Variants in AKT3 observed in about 807,000 individuals in gnomAD.
AKT3 encodes RAC-gamma serine/threonine-protein kinase.
In AKT3, 15 loss-of-function variants were observed where a neutral mutation model predicts 65.3. The observed-to-expected ratio is 0.23, with a 90% CI of 0.15 to 0.35. The LOEUF (loss-of-function observed/expected upper bound fraction) is 0.35. AKT3 is among the 10% of genes least tolerant of loss of function. AKT3 has a pLI of 1.00. For synonymous variants in AKT3, 206 were observed against 183.8 expected, an observed-to-expected ratio of 1.12 and a Z score of -0.98; for missense variants, 243 against 576.5, an observed-to-expected ratio of 0.42 and a Z score of 5.92.
At chr1:243,528,960 ATC>A (rs757665091) in intron 12 of AKT3, among the ~76,000 whole-genome samples, 65 of 152,206 alleles carry the variant, frequency 4.3e-4, no homozygotes, top group Non-Finnish European at 7.4e-4. Flanking sequence ...TCTTGCTAGC[ATC>A]TGTTATTTTT....
chr1:243,579,987 A>C (rs1675213002), intron 8 of AKT3, among the ~76,000 whole-genome samples: 2 of 152,218 alleles, frequency 1.3e-5, no homozygotes, highest in South Asian at 2.1e-4. Flanking sequence ...ATCTAGTCTC[A>C]AGATGAAGAA....
At chr1:243,605,984 G>GCTTA (rs1244225295) in intron 8 of AKT3, among the ~76,000 whole-genome samples, 3 of 152,140 alleles carry the variant, frequency 2.0e-5, no homozygotes, top group Non-Finnish European at 4.4e-5. Flanking sequence ...TTCCTCCTTT[G>GCTTA]CTTAGCACTT....
At chr1:243,800,579 G>A (rs1391589431) in intron 2 of AKT3, among the ~76,000 whole-genome samples, 1 of 152,136 alleles carries the variant, frequency 6.6e-6, no homozygotes, top group Non-Finnish European at 1.5e-5. Flanking sequence ...TTAGCTGGGT[G>A]TGGTGGCGCA....
chr1:243,760,144 G>A (rs1231644131), intron 2 of AKT3, among the ~76,000 whole-genome samples: 3 of 152,150 alleles, frequency 2.0e-5, no homozygotes, highest in African/African-American at 7.2e-5. Flanking sequence ...TTTAGAGACA[G>A]GGTCTCACTC....
chr1:243,578,476 T>C (rs1023362139), intron 8 of AKT3, among the ~76,000 whole-genome samples: 5 of 152,102 alleles, frequency 3.3e-5, no homozygotes, highest in Non-Finnish European at 7.3e-5. Context: ...AAGTGGGAGC[T>C]GAACAATGAG....
At chr1:243,729,949 T>C (rs938224878) in intron 2 of AKT3, among the ~76,000 whole-genome samples, 6 of 152,188 alleles carry the variant, frequency 3.9e-5, no homozygotes, top group African/African-American at 1.4e-4. Context: ...ATTTGTGTAT[T>C]TCAGAAATAA....
intron 2 of AKT3, among the ~76,000 whole-genome samples, chr1:243,814,951 C>G (rs929364391): frequency 1.3e-5 from 2 of 152,142 alleles, no homozygotes; most frequent in African/African-American, 4.8e-5. Flanking sequence ...CACTTTGGAT[C>G]TTTCTAAGAT....
At chr1:243,769,155 T>C (rs878873498) in intron 2 of AKT3, among the ~76,000 whole-genome samples, 1 of 152,188 alleles carries the variant, frequency 6.6e-6, no homozygotes, top group African/African-American at 2.4e-5. Context: ...GGTTATTTCA[T>C]TTCTTTTCTG....
chr1:243,628,628 T>A (rs1350712732), intron 6 of AKT3, among the ~76,000 whole-genome samples: 2 of 152,158 alleles, frequency 1.3e-5, no homozygotes. Flanking sequence ...CAGATCAACT[T>A]TGGAACCATC....
chr1:243,825,724 G>A (rs1055282981), intron 2 of AKT3, among the ~76,000 whole-genome samples: 30 of 152,196 alleles, frequency 2.0e-4, no homozygotes, highest in South Asian at 6.2e-4. Flanking sequence ...TCAGATTACC[G>A]GCTACAAACA....
intron 12 of AKT3, among the ~76,000 whole-genome samples, chr1:243,526,801 A>AAAAAAAAAAAAAAAAAAAAAT: frequency 6.7e-6 from 1 of 148,414 alleles, no homozygotes; most frequent in Non-Finnish European, 1.5e-5. Flanking sequence ...AAAAAAAAAA[A>AAAAAAAAAAAAAAAAAAAAAT]AAAAAAAAAA....
At chr1:243,660,693 G>C (rs1682238744) in intron 4 of AKT3, among the ~76,000 whole-genome samples, 1 of 152,130 alleles carries the variant, frequency 6.6e-6, no homozygotes, top group Admixed American at 6.5e-5. Context: ...TCAACATAGT[G>C]TTGGAAGTTG....
At chr1:243,803,449 G>A (rs757661363) in intron 2 of AKT3, among the ~76,000 whole-genome samples, 6 of 152,012 alleles carry the variant, frequency 3.9e-5, no homozygotes, top group Non-Finnish European at 8.8e-5. Context: ...AAAATATTAG[G>A]TTATGTACAT....
chr1:243,635,967 C>T (rs1051092988), intron 6 of AKT3, among the ~76,000 whole-genome samples: 1 of 151,964 alleles, frequency 6.6e-6, no homozygotes, highest in Non-Finnish European at 1.5e-5. Context: ...CTACTTCAAT[C>T]AGAATAGTCT....
chr1:243,499,969 G>T lies in AKT3; in HGVS notation c.*5280C>A. On this transcript the variant is annotated 3_prime_UTR_variant, in exon 14 of 14. Coordinates refer to ENST00000673466, the MANE Select transcript of AKT3 (RefSeq NM_005465.7). ...CGCAGTCGGGCTGGAGCTGGAGTCT[G>T]ACTCTAGCTGAGCAGAGCTCCTGGT... is the stretch of plus-strand genomic sequence containing the variant. The T allele has an allele frequency of 1.5e-6, 1 of 648,204 alleles. No homozygotes were observed. The highest frequency in any genetic ancestry group is 2.8e-6 in the Non-Finnish European group (1 of 358,214). 40.2% of individuals were successfully genotyped at this position (648,204 alleles called of 1,614,324 possible).
chr1:243,566,577 G>C (rs1039569370), intron 9 of AKT3, among the ~76,000 whole-genome samples: 2 of 152,160 alleles, frequency 1.3e-5, no homozygotes, highest in African/African-American at 4.8e-5. Flanking sequence ...AGGCAGTAGA[G>C]AGCAAAATGG....
At chr1:243,614,134 G>A (rs753837211) in intron 7 of AKT3, among the ~76,000 whole-genome samples, 3 of 152,052 alleles carry the variant, frequency 2.0e-5, no homozygotes, top group Non-Finnish European at 2.9e-5. Context: ...TTACACTCAG[G>A]TTTCTAATAC....
chr1:243,784,259 G>A (rs147901040), intron 2 of AKT3, among the ~76,000 whole-genome samples: 30 of 152,124 alleles, frequency 2.0e-4, no homozygotes, highest in African/African-American at 5.3e-4. Flanking sequence ...ATCCTGACAT[G>A]AGAACAAACA....
intron 10 of AKT3, among the ~76,000 whole-genome samples, chr1:243,557,926 T>C (rs1428599410): frequency 2.0e-5 from 3 of 152,080 alleles, no homozygotes; most frequent in East Asian, 1.9e-4. Context: ...ACAAAAAGCA[T>C]AGAGATTCTA....
Sources: allele counts gnomAD v4.1 joint callset (sites outside exome capture counted in the v4.1 genomes callset), GRCh38; gene constraint gnomAD v4.1.1; transcripts MANE v1.5; gene names NCBI Gene and HGNC (gene_info 2026-07-23, HGNC 2026-07-21).